Variants in GPC6 observed in about 807,000 individuals in gnomAD.
GPC6 encodes the protein glypican-6.
A neutral mutation model predicts 55.2 loss-of-function variants in GPC6; 14 were observed. The ratio of observed to expected loss-of-function variants is 0.25; its 90% confidence interval spans 0.17 to 0.40. The LOEUF is 0.40. GPC6 is among the 10% of genes least tolerant of loss of function. GPC6 has a pLI of 1.00. For missense variants in GPC6, 641 were observed against 708.5 expected, an observed-to-expected ratio of 0.90 and a Z score of 1.08; for synonymous variants, 278 against 259.6, an observed-to-expected ratio of 1.07 and a Z score of -0.68.
intron 1 of GPC6, among the ~76,000 whole-genome samples, chr13:93,306,632 C>T (rs1878866680): frequency 6.6e-6 from 1 of 151,802 alleles, no homozygotes; most frequent in Non-Finnish European, 1.5e-5. Flanking sequence ...TCAAATAAAT[C>T]CTATATCCTA....
intron 2 of GPC6, among the ~76,000 whole-genome samples, chr13:93,754,248 A>C (rs561239210): frequency 6.6e-6 from 1 of 152,218 alleles, no homozygotes; most frequent in Admixed American, 6.5e-5. Flanking sequence ...TATTAGCTCC[A>C]AAGAGAGGAC....
chr13:93,667,426 T>A (rs1881183552), intron 2 of GPC6, among the ~76,000 whole-genome samples: 1 of 150,832 alleles, frequency 6.6e-6, no homozygotes, highest in African/African-American at 2.5e-5. Context: ...CCCCTTTACT[T>A]GAAGTTCTGG....
intron 8 of GPC6, among the ~76,000 whole-genome samples, chr13:94,399,316 C>T (rs548626275): frequency 1.3e-5 from 2 of 152,194 alleles, no homozygotes; most frequent in South Asian, 2.1e-4. Flanking sequence ...ATATTACACA[C>T]GACTATTTCA....
chr13:93,337,728 T>A (rs207474261), intron 1 of GPC6, among the ~76,000 whole-genome samples: 1 of 152,218 alleles, frequency 6.6e-6, no homozygotes, highest in African/African-American at 2.4e-5. Flanking sequence ...TGGAGATGCT[T>A]ATGTTGCAGC....
intron 2 of GPC6, among the ~76,000 whole-genome samples, chr13:93,732,429 C>T (rs144613894): frequency 1.3e-5 from 2 of 152,016 alleles, no homozygotes; most frequent in Non-Finnish European, 2.9e-5. Flanking sequence ...CAATGAGACC[C>T]CTGGGAGCGC....
chr13:94,376,405 A>G (rs1407307722), intron 6 of GPC6, among the ~76,000 whole-genome samples: 1 of 151,590 alleles, frequency 6.6e-6, no homozygotes, highest in Non-Finnish European at 1.5e-5. Flanking sequence ...TACACCAACA[A>G]CAGACAAACA....
At chr13:94,058,350 T>C (rs1369596025) in intron 4 of GPC6, among the ~76,000 whole-genome samples, 2 of 152,212 alleles carry the variant, frequency 1.3e-5, no homozygotes, top group African/African-American at 2.4e-5. Flanking sequence ...TACCTTTCAA[T>C]TGCTTATTTG....
intron 4 of GPC6, among the ~76,000 whole-genome samples, chr13:94,120,522 T>A (rs1453178714): frequency 2.0e-5 from 3 of 152,004 alleles, no homozygotes; most frequent in African/African-American, 7.2e-5. Flanking sequence ...TTAATACATA[T>A]GGTTTCTTTT....
intron 1 of GPC6, among the ~76,000 whole-genome samples, chr13:93,419,831 G>C (rs1876857352): frequency 1.3e-5 from 2 of 152,072 alleles, no homozygotes; most frequent in Admixed American, 1.3e-4. Context: ...TACATTAAAC[G>C]TTTGAACTTT....
chr13:94,080,803 A>G (rs1566376992), intron 4 of GPC6, among the ~76,000 whole-genome samples: 1 of 152,154 alleles, frequency 6.6e-6, no homozygotes, highest in East Asian at 1.9e-4. Flanking sequence ...TTCTAACCTT[A>G]ATTTCTTTCC....
At chr13:94,331,674 A>G (rs937491371) in intron 6 of GPC6, among the ~76,000 whole-genome samples, 4 of 152,210 alleles carry the variant, frequency 2.6e-5, no homozygotes, top group African/African-American at 9.6e-5. Context: ...AAATTCATGC[A>G]TTTCCAAATA....
chr13:94,088,569 G>T (rs917555153), intron 4 of GPC6, among the ~76,000 whole-genome samples: 1 of 127,226 alleles, frequency 7.9e-6, no homozygotes, highest in East Asian at 2.2e-4. Flanking sequence ...GGGCAGGGGA[G>T]GGGAAGGGAG....
chr13:93,832,879 T>A (rs1887572623), intron 3 of GPC6, among the ~76,000 whole-genome samples: 3 of 152,162 alleles, frequency 2.0e-5, no homozygotes, highest in Non-Finnish European at 4.4e-5. Context: ...CCACCATTCT[T>A]TTGCAGAACA....
chr13:93,471,819 C>T (rs1019772087), intron 1 of GPC6, among the ~76,000 whole-genome samples: 1 of 152,038 alleles, frequency 6.6e-6, no homozygotes, highest in African/African-American at 2.4e-5. Flanking sequence ...GGGAATATTC[C>T]AGATGCATGT....
chr13:94,114,323 G>T (rs1353229984), intron 4 of GPC6, among the ~76,000 whole-genome samples: 1 of 152,088 alleles, frequency 6.6e-6, no homozygotes. Context: ...GATTGGGAAA[G>T]ATTTGCTTGA....
intron 2 of GPC6, among the ~76,000 whole-genome samples, chr13:93,781,724 T>C (rs1257653518): frequency 2.0e-5 from 3 of 152,194 alleles, no homozygotes; most frequent in Non-Finnish European, 4.4e-5. Flanking sequence ...AAGTCAGGGC[T>C]AATAGATAAA....
intron 1 of GPC6, among the ~76,000 whole-genome samples, chr13:93,544,809 AC>A (rs1874689003): frequency 6.6e-6 from 1 of 152,170 alleles, no homozygotes; most frequent in African/African-American, 2.4e-5. Context: ...GCTGATGCAT[AC>A]CCAGGGACAG....
intron 1 of GPC6, among the ~76,000 whole-genome samples, chr13:93,404,213 A>G (rs1172275305): frequency 6.6e-6 from 1 of 152,186 alleles, no homozygotes; most frequent in African/African-American, 2.4e-5. Context: ...CAAACCAACT[A>G]TAACGAAGAC....
chr13:93,927,687 GAA>G (rs10592821), intron 3 of GPC6, among the ~76,000 whole-genome samples: 8,261 of 135,334 alleles, frequency 0.061, 719 homozygotes, highest in African/African-American at 0.2. Flanking sequence ...CCTTCTTTGT[GAA>G]AAAAAAAAAA....
Sources: gnomAD v4.1 joint callset for allele counts (sites outside exome capture counted in the v4.1 genomes callset) on GRCh38, gnomAD v4.1.1 for gene constraint, MANE v1.5 for transcripts, NCBI Gene and HGNC (gene_info 2026-07-23, HGNC 2026-07-21) for gene names.